COPA: variants seen among roughly 807,000 people sequenced by gnomAD.
COPA encodes the protein coat protein complex I subunit alpha.
In COPA, 10 loss-of-function variants were observed where a neutral mutation model predicts 158.7. The ratio of observed to expected loss-of-function variants is 0.06; its 90% CI spans 0.04 to 0.11. The LOEUF (loss-of-function observed/expected upper bound fraction) is 0.11. Ranked by LOEUF, COPA falls within the 10% of genes least tolerant of loss-of-function variation. The probability of loss-of-function intolerance (pLI) is 1.00; values close to 1 mark genes in which losing one functional copy is unlikely to be tolerated. For missense variants in COPA, 1,065 were observed against 1,536.7 expected (o/e 0.69, Z 5.13); for synonymous variants, 462 against 542.8 (o/e 0.85, Z 2.07).
intron 6 of COPA, among the ~76,000 whole-genome samples, chr1:160,329,983 C>T (rs1647429125): frequency 6.6e-6 from 1 of 152,140 alleles, no homozygotes; most frequent in Non-Finnish European, 1.5e-5. Flanking sequence ...GGCATGGTGG[C>T]ATGCCCTTGT....
chr1:160,340,260 C>G lies in COPA; in HGVS notation c.75G>C (p.Leu25=). 1 of 1,613,568 alleles carries G rather than the reference C, an allele frequency of 6.2e-7. No individual in the cohort carries two copies. Among genetic ancestry groups the G allele is most frequent in the Non-Finnish European group, 8.5e-7 (1 of 1,179,918 alleles). ...GGATGACCCCATTATGTAAACTAGT[C>G]AGGATCCAAGGTCTTTTGGGGTGAA... is the stretch of plus-strand genomic sequence containing the variant. ...LSFHPKRPWI[L]TSLHNGVIQL... Residue 25 remains leucine (L), a synonymous_variant, in exon 2 of 33, where the codon CTG becomes CTC. Coordinates refer to ENST00000241704, the MANE Select transcript of COPA (RefSeq NM_004371.4).
At chr1:160,304,166 A>G (rs1329997551) in intron 17 of COPA, among the ~76,000 whole-genome samples, 2 of 151,114 alleles carry the variant, frequency 1.3e-5, no homozygotes, top group Non-Finnish European at 3.0e-5. Context: ...AGGCACCACC[A>G]CCACACCCAG....
chr1:160,330,126 C>A (rs937568471), intron 6 of COPA, among the ~76,000 whole-genome samples: 4 of 151,864 alleles, frequency 2.6e-5, no homozygotes, highest in African/African-American at 9.7e-5. Context: ...CGCCACCCCC[C>A]CCAAAAAAAA....
intron 15 of COPA, 145 bp downstream of exon 15, chr1:160,306,209 A>G: frequency 1.2e-6 from 1 of 844,116 alleles, no homozygotes; most frequent in Non-Finnish European, 1.8e-6. Flanking sequence ...TGATCACAGA[A>G]GGGAAAAGTT....
intron 1 of COPA, among the ~76,000 whole-genome samples, chr1:160,342,482 TA>T (rs1286288522): frequency 6.6e-5 from 10 of 152,206 alleles, no homozygotes; most frequent in African/African-American, 2.4e-4. Context: ...GATTTCCAGA[TA>T]AATTTGAACT....
intron 30 of COPA, 94 bp from the exon 31 acceptor site, chr1:160,291,590 A>C (rs911937840): frequency 3.3e-5 from 48 of 1,443,046 alleles, no homozygotes; most frequent in Non-Finnish European, 4.3e-5. Context: ...AACACAACAC[A>C]AAATAGGATG....
At chr1:160,332,344 T>A in intron 6 of COPA, 104 bp downstream of exon 6, 1 of 623,602 alleles carries the variant, frequency 1.6e-6, no homozygotes, top group Non-Finnish European at 2.7e-6. Flanking sequence ...TAAAACAGAA[T>A]ATTCTAAATT....
chr1:160,306,938 G>C lies in COPA; in HGVS notation c.1302+225C>G, dbSNP rs77371247. 3.8e-3 allele frequency among the ~76,000 whole-genome samples: 576 copies of C among 152,296 alleles called. 5 individuals are homozygous for C. The highest frequency in any genetic ancestry group is 5.8e-3 in the Non-Finnish European group (396 of 68,034). On this transcript the variant is annotated intron_variant, in intron 14 of 32. Coordinates refer to ENST00000241704, the MANE Select transcript of COPA (RefSeq NM_004371.4). ...CTGTAGTCAAGAGTGACTTTAGCTT[G>C]GTTCTTAAACCCAGAGCCACGGCGA...
chr1:160,321,407 T>C (rs1248265468), intron 8 of COPA, among the ~76,000 whole-genome samples: 2 of 152,200 alleles, frequency 1.3e-5, no homozygotes, highest in South Asian at 2.1e-4. Flanking sequence ...TGTTCACAGA[T>C]GACATTATCA....
In COPA at chr1:160,289,091, T is replaced by A. The variant is rs544043758; in HGVS notation, c.*1066A>T. Among the ~76,000 whole-genome samples the A allele has an allele frequency of 1.1e-4, 16 of 151,414 alleles. No homozygotes were observed. Among genetic ancestry groups the A allele is most frequent in the African/African-American group, 3.9e-4 (16 of 41,300 alleles). On this transcript the variant is annotated 3_prime_UTR_variant, in exon 33 of 33. Transcript: ENST00000241704. Reference sequence around the variant, plus strand: ...GTTCAAGCAATCCTCTGCCTCAGCCTCCAGAGTAGCTGGGATTACAGGCAC... The same window carrying A: ...GTTCAAGCAATCCTCTGCCTCAGCCACCAGAGTAGCTGGGATTACAGGCAC...
chr1:160,300,668 G>C (rs559308905), intron 17 of COPA, among the ~76,000 whole-genome samples: 4 of 151,866 alleles, frequency 2.6e-5, no homozygotes, highest in Non-Finnish European at 5.9e-5. Context: ...AACCTAACAA[G>C]GACAGTAAGA....
intron 8 of COPA, among the ~76,000 whole-genome samples, chr1:160,314,823 C>T (rs757098498): frequency 8.6e-5 from 13 of 151,974 alleles, no homozygotes; most frequent in Non-Finnish European, 1.6e-4. Flanking sequence ...TTTTAGTCAC[C>T]GCTGTATCTC....
chr1:160,335,699 T>C lies in COPA; in HGVS notation c.229-377A>G, dbSNP rs537068464. On this transcript the variant is annotated intron_variant, in intron 3 of 32. Coordinates refer to ENST00000241704, the MANE Select transcript of COPA (RefSeq NM_004371.4). ...GAGATCGAGACCATCCTGGCTAACA[T>C]AGTGAAACCCTGTCTCTACTAAAAA... 5.9e-5 allele frequency among the ~76,000 whole-genome samples: 9 copies of C among 151,390 alleles called. No individual in the cohort carries two copies. In the South Asian group the frequency reaches 1.3e-3, roughly 21 times the overall value.
intron 8 of COPA, chr1:160,317,727 C>G: frequency 7.4e-7 from 1 of 1,357,608 alleles, no homozygotes; most frequent in Non-Finnish European, 1.1e-6. Flanking sequence ...TATTTTTTTT[C>G]TTTTCCCTCA....
At chr1:160,333,936 G>C (rs752823016) in intron 4 of COPA, among the ~76,000 whole-genome samples, 7 of 150,638 alleles carry the variant, frequency 4.6e-5, no homozygotes, top group Non-Finnish European at 4.4e-5. Flanking sequence ...GAGGCAGATA[G>C]TGAAACATAC....
chr1:160,301,317 A>T (rs1268261564), intron 17 of COPA, among the ~76,000 whole-genome samples: 1 of 152,178 alleles, frequency 6.6e-6, no homozygotes, highest in Non-Finnish European at 1.5e-5. Flanking sequence ...GGAAATGTTC[A>T]TTGGAGCAGT....
intron 6 of COPA, among the ~76,000 whole-genome samples, chr1:160,327,221 A>G (rs1647271777): frequency 6.6e-6 from 1 of 152,228 alleles, no homozygotes; most frequent in Non-Finnish European, 1.5e-5. Context: ...TGTGTAATGG[A>G]AAATAAAAAC....
intron 20 of COPA, 29 bp downstream of exon 20, chr1:160,297,527 T>G (rs1658455183): frequency 6.2e-7 from 1 of 1,613,136 alleles, no homozygotes; most frequent in African/African-American, 1.3e-5. Context: ...CAAGAACCCC[T>G]CTTCCCATCC....
At chr1:160,292,959 T>C (rs1239704864) in intron 27 of COPA, among the ~76,000 whole-genome samples, 2 of 152,178 alleles carry the variant, frequency 1.3e-5, no homozygotes, top group African/African-American at 4.8e-5. Context: ...GGAAGATGAC[T>C]GAAGGATATG....
Sources: allele counts gnomAD v4.1 joint callset (sites outside exome capture counted in the v4.1 genomes callset), GRCh38; gene constraint gnomAD v4.1.1; transcripts MANE v1.5; gene names NCBI Gene and HGNC (gene_info 2026-07-23, HGNC 2026-07-21).